Variants in BPIFC observed in about 807,000 individuals in gnomAD.
The protein encoded by BPIFC is BPI fold-containing family C protein.
In BPIFC, 60 loss-of-function variants were observed where a neutral mutation model predicts 57.6. That is an observed-to-expected ratio of 1.04 (90% CI 0.85 to 1.29). The LOEUF is 1.29. Among genes scored for constraint, BPIFC ranks in the 50% most tolerant of loss-of-function variants. The pLI is 0.00. For synonymous variants in BPIFC, 243 were observed against 224.5 expected, an observed-to-expected ratio of 1.08 and a Z score of -0.74; for missense variants, 581 against 600.5, an observed-to-expected ratio of 0.97 and a Z score of 0.34.
intron 13 of BPIFC, 88 bp downstream of exon 13, chr22:32,431,259 C>T (rs1934232559): frequency 2.6e-6 from 3 of 1,149,038 alleles, no homozygotes; most frequent in African/African-American, 1.5e-5. Flanking sequence ...GATTACAGAT[C>T]ACTTGTTTTC....
At chr22:32,453,663 T>C (rs1170994185) in intron 3 of BPIFC, among the ~76,000 whole-genome samples, 160 bp from the exon 4 acceptor site, 1 of 152,232 alleles carries the variant, frequency 6.6e-6, no homozygotes, top group Admixed American at 6.5e-5. Context: ...GGTTTACAGA[T>C]GAAAACTCTG....
At chr22:32,460,362 C>A (rs1457120206) in intron 2 of BPIFC, among the ~76,000 whole-genome samples, 1 of 152,210 alleles carries the variant, frequency 6.6e-6, no homozygotes, top group East Asian at 1.9e-4. Flanking sequence ...GTCTAGTGCA[C>A]AAACTCCCCA....
At position 32,424,762 on chromosome 22, in the gene BPIFC, T is replaced by C. The variant is rs185291156; in HGVS notation, c.1218-5358A>G. Among the ~76,000 whole-genome samples, 935 of 76,716 alleles carry C rather than the reference T, an allele frequency of 0.012. 200 individuals are homozygous for C. In the East Asian group the frequency reaches 0.18, roughly 15 times the overall value. The allele number at this position is 76,716 out of a possible 152,430, so 50.3% of individuals were successfully genotyped here. ...CTTCCTCTTCTTCTTCCTCTTCTTC[T>C]TCTTCTTCTTCTTCTTCTTCTTCTT... On this transcript the variant is annotated intron_variant, in intron 13 of 16. Coordinates refer to ENST00000300399, the MANE Select transcript of BPIFC (RefSeq NM_174932.3).
At chr22:32,424,656 CTTCTTCTTCT>C (rs1933969839) in intron 13 of BPIFC, among the ~76,000 whole-genome samples, 2 of 62,634 alleles carry the variant, frequency 3.2e-5, no homozygotes, top group African/African-American at 2.3e-4. Flanking sequence ...TCTTCTTCTT[CTTCTTCTTCT>C]TCTTCTTCTT....
chr22:32,424,795 T>C (rs1303530467), intron 13 of BPIFC, among the ~76,000 whole-genome samples: 10 of 144,500 alleles, frequency 6.9e-5, no homozygotes, highest in African/African-American at 2.7e-4. Context: ...CTTCCTTTTT[T>C]TTTGAGACGG....
intron 4 of BPIFC, 21 bp from the exon 5 acceptor site, chr22:32,447,361 A>T: frequency 6.2e-7 from 1 of 1,606,566 alleles, no homozygotes; most frequent in Non-Finnish European, 8.5e-7. Flanking sequence ...AGAAACAAGA[A>T]GTTAGGGCGA....
chr22:32,425,872 T>G (rs771171884), intron 13 of BPIFC, among the ~76,000 whole-genome samples: 9 of 152,196 alleles, frequency 5.9e-5, no homozygotes, highest in Non-Finnish European at 8.8e-5. Context: ...TTACCTGTAT[T>G]AACTCTCATA....
At position 32,446,006 on chromosome 22, in the gene BPIFC, G is replaced by T; in HGVS notation, c.375-10C>A. Reference sequence around the variant, plus strand: ...CCCTCCTGTGTCTTGGCTGTTTAAAGAAGTGCAAGGTTATCCAAGCCTGAG... The same window carrying T: ...CCCTCCTGTGTCTTGGCTGTTTAAATAAGTGCAAGGTTATCCAAGCCTGAG... On this transcript the variant is annotated splice_polypyrimidine_tract_variant and intron_variant, in intron 5 of 16. Transcript: ENST00000300399. 1.2e-6 allele frequency: 2 copies of T among 1,613,702 alleles called. No individual in the cohort carries two copies. The highest frequency in any genetic ancestry group is 1.7e-6 in the Non-Finnish European group (2 of 1,179,786).
intron 13 of BPIFC, among the ~76,000 whole-genome samples, chr22:32,429,276 G>A (rs185342106): frequency 0.022 from 2,760 of 128,360 alleles, 89 homozygotes; most frequent in African/African-American, 0.076. Context: ...GCGCCATCTC[G>A]GCTCACTGCA....
At chr22:32,425,963 A>G (rs529988959) in intron 13 of BPIFC, among the ~76,000 whole-genome samples, 5 of 152,152 alleles carry the variant, frequency 3.3e-5, no homozygotes, top group Non-Finnish European at 5.9e-5. Context: ...AGGTTAAGAA[A>G]CTCGCCTGAG....
intron 4 of BPIFC, among the ~76,000 whole-genome samples, chr22:32,452,597 C>T (rs1405442700): frequency 6.6e-6 from 1 of 150,904 alleles, no homozygotes; most frequent in East Asian, 2.0e-4. Context: ...GAGATCGCGC[C>T]ACTGCACTCC....
At chr22:32,463,558 G>T (rs1935205263) in intron 1 of BPIFC, among the ~76,000 whole-genome samples, 1 of 152,174 alleles carries the variant, frequency 6.6e-6, no homozygotes, top group African/African-American at 2.4e-5. Context: ...TGCTTGGCAA[G>T]AGCTTTGACT....
At chr22:32,441,803 A>G (rs1203475368) in intron 8 of BPIFC, among the ~76,000 whole-genome samples, 2 of 152,216 alleles carry the variant, frequency 1.3e-5, no homozygotes, top group Non-Finnish European at 2.9e-5. Flanking sequence ...ACCAGGGACC[A>G]GTTTAATGGA....
chr22:32,443,162 C>CTTT (rs57447537), intron 7 of BPIFC, among the ~76,000 whole-genome samples: 8 of 133,840 alleles, frequency 6.0e-5, no homozygotes, highest in South Asian at 2.3e-4. Context: ...AGAGCTGGAG[C>CTTT]TTTTTTTTTT....
chr22:32,444,965 A>G (rs1416359144), intron 7 of BPIFC, among the ~76,000 whole-genome samples: 1 of 152,188 alleles, frequency 6.6e-6, no homozygotes, highest in Non-Finnish European at 1.5e-5. Flanking sequence ...CCTCTGTCCT[A>G]TTCCCAACAG....
chr22:32,464,397 G>C lies in BPIFC; in HGVS notation c.-112C>G, dbSNP rs1449635953. ...ACCTCAAGCAGAGGAAGTGTCCAAA[G>C]CTGGAGAGCACCTTCGATTCTCTCT... is the stretch of plus-strand genomic sequence containing the variant. On this transcript the variant is annotated 5_prime_UTR_variant, in exon 1 of 17. Coordinates refer to ENST00000300399, the MANE Select transcript of BPIFC (RefSeq NM_174932.3). 1 of 985,204 alleles carries C rather than the reference G, an allele frequency of 1.0e-6. No individual in the cohort carries two copies. The highest frequency in any genetic ancestry group is 1.2e-6 in the Non-Finnish European group (1 of 829,922). 61.0% of individuals were successfully genotyped at this position (985,204 alleles called of 1,614,324 possible). A position where few individuals can be genotyped will look rare whatever the true frequency, so the allele number is the denominator to read the frequency against.
intron 7 of BPIFC, among the ~76,000 whole-genome samples, chr22:32,443,654 C>T (rs1368028198): frequency 1.3e-5 from 2 of 152,170 alleles, no homozygotes; most frequent in African/African-American, 4.8e-5. Flanking sequence ...ATGTGCTTGG[C>T]ATAGTGGGTA....
rs1180638513 is a variant in BPIFC, at chr22:32,435,686, T to C, written c.924+18A>G. The C allele has an allele frequency of 6.2e-7, 1 of 1,604,186 alleles. No individual in the cohort carries two copies. Among genetic ancestry groups the C allele is most frequent in the Non-Finnish European group, 8.5e-7 (1 of 1,175,636 alleles). ...TGAATGATGGTGACCATTGACATCCTCAGTTAACTCTCCTCACCTCTTCGG... is the reference window on the plus strand; with the variant it reads ...TGAATGATGGTGACCATTGACATCCCCAGTTAACTCTCCTCACCTCTTCGG... On this transcript the variant is annotated intron_variant, in intron 10 of 16. Coordinates refer to ENST00000300399, the MANE Select transcript of BPIFC (RefSeq NM_174932.3).
intron 13 of BPIFC, among the ~76,000 whole-genome samples, chr22:32,430,678 T>C (rs972438323): frequency 5.9e-5 from 9 of 151,596 alleles, no homozygotes; most frequent in Non-Finnish European, 1.3e-4. Context: ...TCTCATTCTA[T>C]TGCTCAGGTT....
Sources: gnomAD v4.1 joint callset for allele counts (sites outside exome capture counted in the v4.1 genomes callset) on GRCh38, gnomAD v4.1.1 for gene constraint, MANE v1.5 for transcripts, NCBI Gene and HGNC (gene_info 2026-07-23, HGNC 2026-07-21) for gene names.